Variants in BRD4 observed in about 807,000 individuals in gnomAD.
The protein encoded by BRD4 is bromodomain containing 4.
BRD4 carries 16 observed loss-of-function variants against 142.1 expected under a neutral mutation model. The ratio of observed to expected loss-of-function variants is 0.11; its 90% CI spans 0.08 to 0.17. The LOEUF is 0.17. Among genes scored for constraint, BRD4 ranks in the 10% least tolerant of loss-of-function variants. The probability of loss-of-function intolerance (pLI) is 1.00; values close to 1 mark genes in which losing one functional copy is unlikely to be tolerated. For synonymous variants in BRD4, 833 were observed against 707.5 expected, an observed-to-expected ratio of 1.18 and a Z score of -2.82; for missense variants, 1,424 against 1,810.9, an observed-to-expected ratio of 0.79 and a Z score of 3.88.
chr19:15,261,209 G>T (rs555707854), intron 7 of BRD4, among the ~76,000 whole-genome samples: 1 of 152,290 alleles, frequency 6.6e-6, no homozygotes, highest in Non-Finnish European at 1.5e-5. Flanking sequence ...AAGTCTGGCC[G>T]GGCACGGTGG....
intron 11 of BRD4, chr19:15,245,087 C>T (rs1024795332): frequency 2.3e-6 from 1 of 442,476 alleles, no homozygotes; most frequent in Admixed American, 3.9e-5. Context: ...CAGTCACTCA[C>T]TATAGTGACT....
intron 1 of BRD4, among the ~76,000 whole-genome samples, chr19:15,308,850 C>G (rs548425634): frequency 6.6e-6 from 1 of 150,908 alleles, no homozygotes; most frequent in Admixed American, 6.6e-5. Flanking sequence ...CCCGTCTCTA[C>G]TAAAAATACA....
At chr19:15,257,437 CCGCCCAGGCAAGGACAT>C (rs2047424068) in intron 7 of BRD4, 1 of 514,142 alleles carries the variant, frequency 1.9e-6, no homozygotes, top group Non-Finnish European at 3.5e-6. Context: ...CTGGAGGACA[CCGCCCAGGCAAGGACAT>C]GAGACCCAGG....
At chr19:15,321,845 C>T (rs986811877) in intron 1 of BRD4, among the ~76,000 whole-genome samples, 2 of 152,170 alleles carry the variant, frequency 1.3e-5, no homozygotes, top group Non-Finnish European at 2.9e-5. Context: ...TAGACCTTCA[C>T]CACTCCATGC....
chr19:15,283,484 A>G (rs2047719748), intron 1 of BRD4, among the ~76,000 whole-genome samples: 1 of 152,224 alleles, frequency 6.6e-6, no homozygotes, highest in Non-Finnish European at 1.5e-5. Flanking sequence ...GACAGCTTCT[A>G]TGTGAGTGGT....
At chr19:15,265,265 A>AC in intron 5 of BRD4, 89 bp downstream of exon 5, 1 of 1,277,028 alleles carries the variant, frequency 7.8e-7, no homozygotes, top group Non-Finnish European at 1.0e-6. Flanking sequence ...AGTGCCCGGG[A>AC]CCCAGGACAG....
intron 1 of BRD4, among the ~76,000 whole-genome samples, chr19:15,313,036 C>A (rs1265455974): frequency 6.6e-6 from 1 of 152,020 alleles, no homozygotes; most frequent in Non-Finnish European, 1.5e-5. Context: ...TGTGCCACTG[C>A]ACTCCAGCTT....
intron 1 of BRD4, among the ~76,000 whole-genome samples, chr19:15,304,479 G>A (rs1568405269): frequency 6.6e-6 from 1 of 152,152 alleles, no homozygotes; most frequent in African/African-American, 2.4e-5. Context: ...ATCAGCTCTA[G>A]GACTGACTGA....
intron 1 of BRD4, among the ~76,000 whole-genome samples, chr19:15,313,868 A>G (rs1182355972): frequency 2.6e-5 from 4 of 152,162 alleles, no homozygotes; most frequent in African/African-American, 7.2e-5. Flanking sequence ...TCCAGCACCC[A>G]GACAATCCCT....
In BRD4 at chr19:15,237,073, C is replaced by A. The variant is rs1051277282; in HGVS notation, c.*1304G>T. On this transcript the variant is annotated 3_prime_UTR_variant, in exon 20 of 20. Coordinates refer to ENST00000679869, the MANE Select transcript of BRD4 (RefSeq NM_001379291.1). Reference sequence around the variant, plus strand: ...GAGCGGCCAGCTGGTTGGGGCTGGGCGCCAGGTAGGGGAGTCTCTGCCTTA... The same window carrying A: ...GAGCGGCCAGCTGGTTGGGGCTGGGAGCCAGGTAGGGGAGTCTCTGCCTTA... 1 of 207,456 alleles carries A rather than the reference C, an allele frequency of 4.8e-6. No individual in the cohort carries two copies. Among genetic ancestry groups the A allele is most frequent in the African/African-American group, 2.3e-5 (1 of 43,000 alleles). The allele number at this position is 207,456 out of a possible 1,614,324, so 12.9% of individuals were successfully genotyped here.
rs1157301393 is a variant in BRD4 at position 15,238,566 on chromosome 19, G to A, written c.4021-121C>T. The A allele has an allele frequency of 7.8e-6, 12 of 1,545,224 alleles. No homozygotes were observed. The highest frequency in any genetic ancestry group is 2.3e-4 in the Middle Eastern group (1 of 4,256). On this transcript the variant is annotated intron_variant, in intron 19 of 19. Transcript: ENST00000679869. The surrounding 1 kb of genome is among the most constrained non-coding windows in gnomAD (Gnocchi z 7.2). ...CTCCCCGTGGCTGACCCCTCATAGCGCTCACCCCGTCCACACAGCACTCAG... is the reference window on the plus strand; with the variant it reads ...CTCCCCGTGGCTGACCCCTCATAGCACTCACCCCGTCCACACAGCACTCAG...
rs1025620774 is a variant in BRD4 at position 15,238,259 on chromosome 19, G to A, written c.*118C>T. On this transcript the variant is annotated 3_prime_UTR_variant, in exon 20 of 20. Coordinates refer to ENST00000679869, the MANE Select transcript of BRD4 (RefSeq NM_001379291.1). The surrounding 1 kb of genome is among the most constrained non-coding windows in gnomAD (Gnocchi z 7.2). ...AGGCCTGCCCCGGGCATAGCATGCAGGAGGGCCAGGCCCTGAGGCATCCCC... is the reference window on the plus strand; with the variant it reads ...AGGCCTGCCCCGGGCATAGCATGCAAGAGGGCCAGGCCCTGAGGCATCCCC... The A allele has an allele frequency of 3.3e-6, 5 of 1,511,802 alleles. No individual in the cohort carries two copies. The highest frequency in any genetic ancestry group is 1.8e-4 in the Middle Eastern group (1 of 5,686). The allele number at this position is 1,511,802 out of a possible 1,614,324, so 93.6% of individuals were successfully genotyped here. A position where few individuals can be genotyped will look rare whatever the true frequency, so the allele number is the denominator to read the frequency against.
intron 1 of BRD4, among the ~76,000 whole-genome samples, chr19:15,305,431 A>T (rs962186510): frequency 6.6e-6 from 1 of 152,170 alleles, no homozygotes; most frequent in African/African-American, 2.4e-5. Flanking sequence ...GAAAACATTC[A>T]CCTCCTTGTG....
chr19:15,251,990 T>C (rs974803763), intron 11 of BRD4, among the ~76,000 whole-genome samples: 1 of 152,224 alleles, frequency 6.6e-6, no homozygotes, highest in Non-Finnish European at 1.5e-5. Context: ...ACTGTAAATC[T>C]CGCCCTCCTT....
At chr19:15,280,131 A>AG (rs1392271439) in intron 1 of BRD4, 1 of 487,636 alleles carries the variant, frequency 2.1e-6, no homozygotes, top group African/African-American at 2.1e-5. Context: ...CCTAAAAAGC[A>AG]GGCTGCGACT....
At chr19:15,288,661 G>A (rs977360034) in intron 1 of BRD4, among the ~76,000 whole-genome samples, 2 of 152,230 alleles carry the variant, frequency 1.3e-5, no homozygotes, top group African/African-American at 4.8e-5. Context: ...GTGCTACACA[G>A]GCTGGTGCAC....
intron 1 of BRD4, among the ~76,000 whole-genome samples, chr19:15,307,977 G>C (rs893492316): frequency 7.9e-5 from 12 of 151,658 alleles, no homozygotes; most frequent in Non-Finnish European, 1.6e-4. Context: ...AACTGGGCAT[G>C]GTGGCGGGCA....
intron 11 of BRD4, chr19:15,248,898 G>A: frequency 2.9e-6 from 1 of 346,650 alleles, no homozygotes; most frequent in Non-Finnish European, 5.4e-6. Flanking sequence ...GGGACAAAGA[G>A]AGAAAACATA....
intron 1 of BRD4, among the ~76,000 whole-genome samples, chr19:15,308,518 C>T (rs1038486939): frequency 2.2e-4 from 33 of 149,972 alleles, no homozygotes; most frequent in African/African-American, 5.7e-4. Context: ...ACCCAGGAAG[C>T]GGACGTTGCA....
Sources: gnomAD v4.1 joint callset for allele counts (sites outside exome capture counted in the v4.1 genomes callset) on GRCh38, gnomAD v4.1.1 for gene constraint, Gnocchi (gnomAD v3.1) non-coding constraint, MANE v1.5 for transcripts, NCBI Gene and HGNC (gene_info 2026-07-23, HGNC 2026-07-21) for gene names.